Variants in CKAP5 observed in about 807,000 individuals in gnomAD.
The protein encoded by CKAP5 is cytoskeleton associated protein 5.
Under a neutral mutation model 232.8 loss-of-function variants are expected in CKAP5, and 27 were observed. The ratio of observed to expected loss-of-function variants is 0.12; its 90% CI spans 0.09 to 0.16. The LOEUF (loss-of-function observed/expected upper bound fraction) is 0.16. Among genes scored for constraint, CKAP5 ranks in the 10% least tolerant of loss-of-function variants. CKAP5 has a pLI of 1.00. For missense variants in CKAP5, 1,838 were observed against 2,424.7 expected (o/e 0.76, Z 5.08); for synonymous variants, 785 against 841.1 (o/e 0.93, Z 1.16).
Position 46,785,551 on chromosome 11 carries a change from A to C in CKAP5, c.1969-878T>G, listed in dbSNP as rs2065383138. Among the ~76,000 whole-genome samples, 3 of 152,106 alleles carry C rather than the reference A, an allele frequency of 2.0e-5. No homozygotes were observed. In the South Asian group the frequency reaches 6.2e-4, roughly 31 times the overall value. The stretch of plus-strand genomic sequence containing the variant: ...CACCATGTTGGCCGGGCTGGTCTCG[A>C]TCTCCTGACCTCAAGTGGATCTCAA... On this transcript the variant is annotated intron_variant, in intron 16 of 43. Coordinates refer to ENST00000529230, the MANE Select transcript of CKAP5 (RefSeq NM_001008938.4).
At chr11:46,761,551 A>G (rs1263297663) in intron 32 of CKAP5, among the ~76,000 whole-genome samples, 1 of 152,190 alleles carries the variant, frequency 6.6e-6, no homozygotes, top group Non-Finnish European at 1.5e-5. Flanking sequence ...CTCAAACGAA[A>G]TAAGAGGTCA....
chr11:46,804,577 C>T (rs1164902366), intron 8 of CKAP5, among the ~76,000 whole-genome samples: 1 of 152,064 alleles, frequency 6.6e-6, no homozygotes, highest in Non-Finnish European at 1.5e-5. Context: ...AAACAAAGTG[C>T]TTTAAAGTAA....
At chr11:46,780,781 ATT>A (rs1449003725) in intron 18 of CKAP5, among the ~76,000 whole-genome samples, 1 of 151,812 alleles carries the variant, frequency 6.6e-6, no homozygotes, top group African/African-American at 2.4e-5. Context: ...TGCCCAGCTA[ATT>A]TTTTTTGTTT....
chr11:46,779,718 C>G (rs1053245086), intron 20 of CKAP5, among the ~76,000 whole-genome samples: 3 of 152,144 alleles, frequency 2.0e-5, no homozygotes, highest in South Asian at 2.1e-4. Context: ...CTCCTAGGCT[C>G]AGGTGATCCT....
At position 46,783,312 on chromosome 11, in the gene CKAP5, A is replaced by G. The variant is rs142063918; in HGVS notation, c.2211T>C (p.Asn737=). 1.5e-5 allele frequency: 24 copies of G among 1,612,794 alleles called. No individual in the cohort carries two copies. In the African/African-American group the frequency reaches 3.2e-4, roughly 22 times the overall value. The change falls in exon 18 of 44, where the codon AAT becomes AAC. Residue 737 remains asparagine (N), a synonymous_variant. Transcript: ENST00000529230. ...ATTCTTTTATGGCATTTGATAGCCA[A>G]TTCAGAGTTTCTGACTGATTTTTGG... ...KNPKNQSETL[N]WLSNAIKEFG...
intron 27 of CKAP5, 95 bp from the exon 28 acceptor site, chr11:46,765,351 A>AGATTTCTTTTTCTACGT: frequency 9.3e-7 from 1 of 1,071,214 alleles, no homozygotes; most frequent in Non-Finnish European, 1.3e-6. Context: ...TAGAAAACAG[A>AGATTTCTTTTTCTACGT]GATATCTTTC....
At position 46,763,607 on chromosome 11, in the gene CKAP5, G is replaced by A. The variant is rs767885034; in HGVS notation, c.3561C>T (p.Thr1187=). 42 of 1,563,508 alleles carry A rather than the reference G, an allele frequency of 2.7e-5. No individual in the cohort carries two copies. The highest frequency in any genetic ancestry group is 3.5e-5 in the Non-Finnish European group (41 of 1,156,136). The stretch of plus-strand genomic sequence containing the variant: ...GTTGCTCAATGTATTCATCCCGTGG[G>A]GTAGTAAAATTCCACTTTAGCACCT... ...GLKVLKWNFT[T]PRDEYIEQLK... The change falls in exon 29 of 44, where the codon ACC becomes ACT. Residue 1187 remains threonine (T), a synonymous_variant. Transcript: ENST00000529230.
intron 42 of CKAP5, among the ~76,000 whole-genome samples, chr11:46,749,383 A>G (rs1238240975): frequency 7.1e-6 from 1 of 140,906 alleles, no homozygotes; most frequent in Non-Finnish European, 1.5e-5. Context: ...TGAACCTGGG[A>G]GGCGGAGGTT....
chr11:46,752,012 ATC>A (rs768847980), intron 38 of CKAP5, among the ~76,000 whole-genome samples: 4 of 151,712 alleles, frequency 2.6e-5, no homozygotes, highest in Admixed American at 6.6e-5. Flanking sequence ...AATAAATGAA[ATC>A]TGTTTCAAAC....
intron 18 of CKAP5, among the ~76,000 whole-genome samples, chr11:46,781,353 C>T (rs1444455787): frequency 6.6e-6 from 1 of 152,160 alleles, no homozygotes; most frequent in Non-Finnish European, 1.5e-5. Context: ...TTCCAATAGC[C>T]TACTAATTCG....
intron 4 of CKAP5, among the ~76,000 whole-genome samples, chr11:46,815,651 T>C (rs4128315): frequency 0.15 from 22,562 of 152,172 alleles, 2,544 homozygotes; most frequent in African/African-American, 0.32. Flanking sequence ...TCATCTTCAT[T>C]AGAAAGGGAT....
In CKAP5 at chr11:46,811,176, T is replaced by C; in HGVS notation, c.461A>G (p.Glu154Gly). 1 of 1,611,014 alleles carries C rather than the reference T, an allele frequency of 6.2e-7. No homozygotes were observed. Residue 154 changes from glutamate to glycine, a missense_variant and splice_region_variant, in exon 5 of 44, where the codon GAA (glutamate) becomes GGA (glycine). Physicochemically the swap from Glu to Gly is moderately conservative, Grantham distance 98. Around this residue, in one of 6 missense-constraint regions of CKAP5, gnomAD observed 285 missense variants for 300.0 expected, o/e 0.95. Transcript: ENST00000529230. ...CIETLRKALS[E>G]FGSKIILLKP... ...AAGCAAGATGATTTTGGAACCAAAT[T>C]CACTACAAGTAAAAAATTGGGAAAA...
chr11:46,805,138 G>C (rs2134663823), intron 8 of CKAP5, among the ~76,000 whole-genome samples: 1 of 152,186 alleles, frequency 6.6e-6, no homozygotes, highest in East Asian at 1.9e-4. Flanking sequence ...AGGCGGCTGA[G>C]GCAGGAGAAT....
chr11:46,838,593 CA>C lies in CKAP5; in HGVS notation c.-38+7626del, dbSNP rs1452173021. 3.8e-5 allele frequency among the ~76,000 whole-genome samples: 4 copies of C among 105,952 alleles called. No individual in the cohort carries two copies. The East Asian group carries it at 1.1e-3, about 30-fold the overall frequency. 69.5% of individuals were successfully genotyped at this position (105,952 alleles called of 152,430 possible). ...TCCAAGAGTTCAAGACCATCCTGGGCAACATAGTAATACCTTGCCTCTTCAA... is the reference window on the plus strand; with the variant it reads ...TCCAAGAGTTCAAGACCATCCTGGGCACATAGTAATACCTTGCCTCTTCAA... On this transcript the variant is annotated intron_variant, in intron 1 of 43. Coordinates refer to ENST00000529230, the MANE Select transcript of CKAP5 (RefSeq NM_001008938.4).
At position 46,784,587 on chromosome 11, in the gene CKAP5, G is replaced by A; in HGVS notation, c.2055C>T (p.Gly685=). Residue 685 remains glycine (G), a synonymous_variant, in exon 17 of 44, where the codon GGC becomes GGT. Transcript: ENST00000529230. ...SKTSAQVVLD[G]LVDKIGDVKC... Reference sequence around the variant, plus strand: ...TCACATCTCCAATCTTGTCCACAAGGCCATCTAATACAACCTGAGCTGACG... The same window carrying A: ...TCACATCTCCAATCTTGTCCACAAGACCATCTAATACAACCTGAGCTGACG... 2 of 1,613,850 alleles carry A rather than the reference G, an allele frequency of 1.2e-6. No homozygotes were observed. The highest frequency in any genetic ancestry group is 3.3e-5 in the Admixed American group (2 of 60,004).
Position 46,798,092 on chromosome 11 carries a change from G to A in CKAP5, c.1164C>T (p.Ile388=). ...CATGCTGTCAACTTACAGTAAGGAA[G>A]ATTGCATCAATTGCCTCCTGCAGGG... The part of the protein sequence containing the change: ...VQALQEAIDA[I]FLTTTLQNIS... The change falls in exon 10 of 44, where the codon ATC becomes ATT. Residue 388 remains isoleucine, a synonymous_variant. Transcript: ENST00000529230. 1.2e-6 allele frequency: 2 copies of A among 1,613,696 alleles called. No individual in the cohort carries two copies. The highest frequency in any genetic ancestry group is 1.7e-6 in the Non-Finnish European group (2 of 1,179,724).
In CKAP5 at chr11:46,777,391, G is replaced by T. The variant is rs368887706; in HGVS notation, c.2862+48C>A. 1.2e-4 allele frequency: 139 copies of T among 1,161,688 alleles called. No individual in the cohort carries two copies. In the Middle Eastern group the frequency reaches 2.3e-3, roughly 19 times the overall value. 72.0% of individuals were successfully genotyped at this position (1,161,688 alleles called of 1,614,324 possible). On this transcript the variant is annotated intron_variant, in intron 23 of 43. Transcript: ENST00000529230. ...AGAATTATCTTTAACCCAAAAATAT[G>T]GCTGGCCTATTCCAGAATGGAGGCA...
rs573369406 is a variant in CKAP5, at chr11:46,784,640, T to C, written c.2002A>G (p.Ile668Val). Reference sequence around the variant, plus strand: ...TTGGAAAAATTTCCCTTCTGGGCAATCAAAGCAACTATATGAAGCTTCATT... The same window carrying C: ...TTGGAAAAATTTCCCTTCTGGGCAACCAAAGCAACTATATGAAGCTTCATT... ...MQMKLHIVAL[I>V]AQKGNFSKTS... Residue 668 changes from isoleucine (I) to valine (V), a missense_variant, in exon 17 of 44, where the codon ATT (isoleucine) becomes GTT (valine). This residue lies in a region of CKAP5 where 767 missense variants were observed against 954.6 expected (regional missense o/e 0.80). Coordinates refer to ENST00000529230, the MANE Select transcript of CKAP5 (RefSeq NM_001008938.4). 51 of 1,614,052 alleles carry C rather than the reference T, an allele frequency of 3.2e-5. No homozygotes were observed. The highest frequency in any genetic ancestry group is 2.4e-4 in the African/African-American group (18 of 75,042).
intron 24 of CKAP5, among the ~76,000 whole-genome samples, chr11:46,773,780 G>A (rs576309190): frequency 6.6e-6 from 1 of 150,536 alleles, no homozygotes; most frequent in African/African-American, 2.4e-5. Context: ...CTGATCTCAA[G>A]TGATCTGCTT....
Sources: gnomAD v4.1 joint callset for allele counts (sites outside exome capture counted in the v4.1 genomes callset) on GRCh38, gnomAD v4.1.1 for gene constraint, gnomAD v4.1.1 regional missense constraint, MANE v1.5 for transcripts, NCBI Gene and HGNC (gene_info 2026-07-23, HGNC 2026-07-21) for gene names.